Variants in NRG3 observed in about 807,000 individuals in gnomAD.
NRG3 encodes the protein neuregulin 3, also known as pro-neuregulin-3, membrane-bound isoform.
In NRG3, 31 loss-of-function variants were observed where a neutral mutation model predicts 66.9. The ratio of observed to expected loss-of-function variants is 0.46; its 90% CI spans 0.35 to 0.63. NRG3 has a LOEUF of 0.63. Among genes scored for constraint, NRG3 ranks in the 20% least tolerant of loss-of-function variants. The pLI, the probability that NRG3 is intolerant of heterozygous loss-of-function variation, is 0.00. For missense variants in NRG3, 910 were observed against 878.9 expected (o/e 1.04, Z -0.45); for synonymous variants, 393 against 359.4 (o/e 1.09, Z -1.06).
intron 3 of NRG3, among the ~76,000 whole-genome samples, chr10:82,803,389 T>G (rs886629616): frequency 2.0e-5 from 3 of 152,234 alleles, no homozygotes; most frequent in Non-Finnish European, 1.5e-5. Context: ...TAGGGAAATC[T>G]AGTTACCCAT....
intron 4 of NRG3, among the ~76,000 whole-genome samples, chr10:82,943,972 G>T (rs1371176849): frequency 6.6e-6 from 1 of 152,178 alleles, no homozygotes; most frequent in Admixed American, 6.5e-5. Flanking sequence ...AGGTAAAGTA[G>T]CATACTTGCA....
intron 1 of NRG3, among the ~76,000 whole-genome samples, chr10:82,197,866 A>G (rs1171685558): frequency 6.6e-6 from 1 of 152,194 alleles, no homozygotes; most frequent in African/African-American, 2.4e-5. Flanking sequence ...TATGTTAATT[A>G]TTGTAAACCA....
rs552410933 is a variant in NRG3 at position 82,574,391 on chromosome 10, G to T, written c.954-164186G>T. ...GTTACCAAAGGCTGGGAAGCATAGG[G>T]CAGAAGGAATAAAGAGACTTGTTTA... On this transcript the variant is annotated intron_variant, in intron 2 of 8. Coordinates refer to ENST00000372141, the MANE Select transcript of NRG3 (RefSeq NM_001010848.4). Among the ~76,000 whole-genome samples, 3 of 151,758 alleles carry T rather than the reference G, an allele frequency of 2.0e-5. No homozygotes were observed. In the South Asian group the frequency reaches 6.2e-4, roughly 31 times the overall value.
chr10:82,699,972 A>G (rs2055733328), intron 2 of NRG3, among the ~76,000 whole-genome samples: 1 of 152,108 alleles, frequency 6.6e-6, no homozygotes, highest in Non-Finnish European at 1.5e-5. Context: ...ATAATTCAGG[A>G]AAAAGAAAGG....
chr10:82,445,159 T>C (rs1360479772), intron 2 of NRG3, among the ~76,000 whole-genome samples: 8 of 151,538 alleles, frequency 5.3e-5, no homozygotes, highest in Non-Finnish European at 1.0e-4. Flanking sequence ...TTTTGTACCC[T>C]ATAACTTCTC....
chr10:82,736,669 T>C (rs1037494780), intron 2 of NRG3, among the ~76,000 whole-genome samples: 2 of 152,200 alleles, frequency 1.3e-5, no homozygotes, highest in African/African-American at 2.4e-5. Context: ...CAGTTTAAGA[T>C]GGGAAAATTT....
intron 1 of NRG3, among the ~76,000 whole-genome samples, chr10:81,982,965 T>C (rs1019755175): frequency 6.6e-6 from 1 of 152,218 alleles, no homozygotes; most frequent in Non-Finnish European, 1.5e-5. Context: ...CTGTTGTATA[T>C]CATCACTGTG....
intron 1 of NRG3, among the ~76,000 whole-genome samples, chr10:82,334,114 G>A (rs2082269252): frequency 7.0e-6 from 1 of 142,976 alleles, no homozygotes; most frequent in African/African-American, 2.7e-5. Flanking sequence ...AGCTTGCAGT[G>A]AGCCCAGATG....
chr10:82,788,320 A>T (rs1361968041), intron 3 of NRG3, among the ~76,000 whole-genome samples: 1 of 152,210 alleles, frequency 6.6e-6, no homozygotes, highest in Non-Finnish European at 1.5e-5. Flanking sequence ...CTGTAATCCC[A>T]GCATTTTGGG....
At chr10:82,049,668 C>T (rs951103241) in intron 1 of NRG3, among the ~76,000 whole-genome samples, 2 of 151,948 alleles carry the variant, frequency 1.3e-5, no homozygotes, top group African/African-American at 4.8e-5. Flanking sequence ...ATTCCAAACC[C>T]CATGTTTTTC....
chr10:82,198,361 G>T (rs1418599329), intron 1 of NRG3, among the ~76,000 whole-genome samples: 1 of 152,140 alleles, frequency 6.6e-6, no homozygotes. Flanking sequence ...CAAAATAAAA[G>T]ATGGTTTAAA....
chr10:82,122,630 T>C (rs2068165449), intron 1 of NRG3, among the ~76,000 whole-genome samples: 1 of 152,172 alleles, frequency 6.6e-6, no homozygotes, highest in Non-Finnish European at 1.5e-5. Context: ...TAGTGTTATT[T>C]CTAGACATTG....
At chr10:82,958,554 T>C (rs1239359993) in intron 5 of NRG3, among the ~76,000 whole-genome samples, 1 of 152,224 alleles carries the variant, frequency 6.6e-6, no homozygotes, top group African/African-American at 2.4e-5. Context: ...CAAATATAAA[T>C]GTAACTCTAC....
Position 82,143,603 on chromosome 10 carries a change from C to T in NRG3, c.824-215136C>T, listed in dbSNP as rs142964766. Among the ~76,000 whole-genome samples the T allele has an allele frequency of 2.2e-4, 33 of 152,308 alleles. No homozygotes were observed. The East Asian group carries it at 3.5e-3, about 16-fold the overall frequency. ...TTGATCATCTCTTGCCCATTGAAAT[C>T]AATGTGATTTAGAAGCAAGATATAG... On this transcript the variant is annotated intron_variant, in intron 1 of 8. Transcript: ENST00000372141.
At position 82,116,139 on chromosome 10, in the gene NRG3, A is replaced by G. The variant is rs117856211; in HGVS notation, c.823+239976A>G. 9.7e-3 allele frequency among the ~76,000 whole-genome samples: 1,472 copies of G among 152,300 alleles called. 11 individuals are homozygous for G. Among genetic ancestry groups the G allele is most frequent in the Middle Eastern group, 0.027 (8 of 294 alleles). ...AGTGGATTCTTTACATCCAGAAATG[A>G]AACAATAATGACTACATTATTCCAA... On this transcript the variant is annotated intron_variant, in intron 1 of 8. Coordinates refer to ENST00000372141, the MANE Select transcript of NRG3 (RefSeq NM_001010848.4).
chr10:81,875,563 G>T lies in NRG3; in HGVS notation c.223G>T (p.Gly75Cys), dbSNP rs1841542446. The T allele has an allele frequency of 6.2e-7, 1 of 1,613,216 alleles. No homozygotes were observed. The highest frequency in any genetic ancestry group is 8.5e-7 in the Non-Finnish European group (1 of 1,179,926). The change falls in exon 1 of 9, where the codon GGC (glycine) becomes TGC (cysteine). Residue 75 changes from glycine (G) to cysteine (C), a missense_variant. Gly to Cys is a radical substitution (Grantham distance 159). Transcript: ENST00000372141. The surrounding 1 kb of genome is among the most constrained non-coding windows in gnomAD (Gnocchi z 5.3). Reference protein sequence around the residue: ...TWLCVVPLFIGFIGLGLSLML... With the variant: ...TWLCVVPLFICFIGLGLSLML... ...GCTGTGCGTGGTACCTCTGTTCATC[G>T]GCTTCATCGGCCTGGGGCTCAGCCT...
At chr10:81,919,727 A>C (rs1195513423) in intron 1 of NRG3, among the ~76,000 whole-genome samples, 1 of 152,134 alleles carries the variant, frequency 6.6e-6, no homozygotes, top group Non-Finnish European at 1.5e-5. Context: ...CACCAAAACC[A>C]AGGCAAATGA....
chr10:82,951,335 T>C (rs981576567), intron 4 of NRG3, 134 bp from the exon 5 acceptor site: 7 of 621,940 alleles, frequency 1.1e-5, no homozygotes, highest in African/African-American at 1.1e-4. Flanking sequence ...AAGTTCCTTG[T>C]TTTTTCCCTA....
At chr10:82,475,058 C>T (rs990261845) in intron 2 of NRG3, among the ~76,000 whole-genome samples, 1 of 150,688 alleles carries the variant, frequency 6.6e-6, no homozygotes, top group African/African-American at 2.4e-5. Flanking sequence ...TTAAAAACCT[C>T]GAAAAACAGC....
Sources: gnomAD v4.1 joint callset for allele counts (sites outside exome capture counted in the v4.1 genomes callset) on GRCh38, gnomAD v4.1.1 for gene constraint, Gnocchi (gnomAD v3.1) non-coding constraint, MANE v1.5 for transcripts, NCBI Gene and HGNC (gene_info 2026-07-23, HGNC 2026-07-21) for gene names.